RGSL1: variants seen among roughly 807,000 people sequenced by gnomAD.
RGSL1 encodes the protein regulator of G protein signaling like 1.
RGSL1 carries 97 observed loss-of-function variants against 124.7 expected under a neutral mutation model. That is an observed-to-expected ratio of 0.78 (90% CI 0.66 to 0.92). The LOEUF (loss-of-function observed/expected upper bound fraction) is 0.92, where lower values mean the gene tolerates loss of function less well. RGSL1 is among the 40% of genes least tolerant of loss of function. The pLI, the probability that RGSL1 is intolerant of heterozygous loss-of-function variation, is 0.00. For missense variants in RGSL1, 1,233 were observed against 1,288.4 expected, an observed-to-expected ratio of 0.96 and a Z score of 0.66; for synonymous variants, 424 against 438.1, an observed-to-expected ratio of 0.97 and a Z score of 0.40.
intron 4 of RGSL1, among the ~76,000 whole-genome samples, chr1:182,466,417 T>C (rs1653335682): frequency 6.6e-6 from 1 of 151,898 alleles, no homozygotes; most frequent in Admixed American, 6.6e-5. Flanking sequence ...TGTAGAAAAA[T>C]CCAAAGATTC....
At chr1:182,458,936 GT>G (rs879624941) in intron 3 of RGSL1, among the ~76,000 whole-genome samples, 25 of 152,286 alleles carry the variant, frequency 1.6e-4, no homozygotes, top group Middle Eastern at 6.8e-3. Context: ...GCAATTGCTG[GT>G]GAATTATTTC....
chr1:182,529,404 A>G (rs895793998), intron 11 of RGSL1, among the ~76,000 whole-genome samples: 2 of 152,200 alleles, frequency 1.3e-5, no homozygotes, highest in African/African-American at 2.4e-5. Context: ...TCCACCACCC[A>G]TGAATTGTGA....
At chr1:182,471,170 C>A (rs2102030086) in intron 4 of RGSL1, 2 of 418,690 alleles carry the variant, frequency 4.8e-6, no homozygotes, top group South Asian at 3.5e-5. Flanking sequence ...TAACTGGTCA[C>A]AATTTGTCCT....
chr1:182,485,160 C>A (rs1655005517), intron 6 of RGSL1, among the ~76,000 whole-genome samples: 1 of 152,074 alleles, frequency 6.6e-6, no homozygotes, highest in Admixed American at 6.5e-5. Flanking sequence ...ATGAGGGCTG[C>A]TGAGATCTTC....
chr1:182,490,710 G>A (rs923177730), intron 8 of RGSL1, among the ~76,000 whole-genome samples: 1 of 152,138 alleles, frequency 6.6e-6, no homozygotes, highest in Non-Finnish European at 1.5e-5. Context: ...TAGCCAGTAA[G>A]AATGTGAACC....
intron 4 of RGSL1, among the ~76,000 whole-genome samples, chr1:182,468,438 T>C (rs1022308511): frequency 2.6e-5 from 4 of 152,074 alleles, no homozygotes; most frequent in African/African-American, 9.7e-5. Flanking sequence ...TATGCAGCCA[T>C]AAAAAATGAT....
At chr1:182,489,272 C>T (rs1310934667) in intron 8 of RGSL1, 70 bp downstream of exon 8, 6 of 1,318,552 alleles carry the variant, frequency 4.6e-6, no homozygotes, top group Non-Finnish European at 6.3e-6. Context: ...TTAACATTTA[C>T]TAATTATTTA....
At position 182,535,508 on chromosome 1, in the gene RGSL1, G is replaced by A. The variant is rs138821510; in HGVS notation, c.2494+2717G>A. On this transcript the variant is annotated intron_variant, in intron 14 of 21. Transcript: ENST00000294854. ...GTAGGCTGCCTGTCCTTTTCTCCTA[G>A]GGAAGCATCCAGACCCTCATCTACT... Among the ~76,000 whole-genome samples, 1,104 of 152,208 alleles carry A rather than the reference G, an allele frequency of 7.3e-3. 15 individuals carry two copies. The highest frequency in any genetic ancestry group is 0.027 in the Middle Eastern group (8 of 294).
chr1:182,471,384 C>A (rs1452745350), intron 4 of RGSL1: 1 of 457,328 alleles, frequency 2.2e-6, no homozygotes, highest in Non-Finnish European at 4.4e-6. Flanking sequence ...ACAGGCAGTG[C>A]AGGTGGGTTC....
rs769388157 is a variant in RGSL1 at position 182,472,513 on chromosome 1, T to A, written c.419T>A (p.Leu140Gln). The A allele has an allele frequency of 1.9e-6, 3 of 1,549,612 alleles. No homozygotes were observed. The South Asian group carries it at 3.6e-5, about 19-fold the overall frequency. Reference protein sequence around the residue: ...SLLLMLRATHLQEGSRVVTLC... With the variant: ...SLLLMLRATHQQEGSRVVTLC... Reference sequence around the variant, plus strand: ...CTCCTCATGCTGAGGGCCACTCATCTGCAGGAGGGCTCCAGGGTGGTAACC... The same window carrying A: ...CTCCTCATGCTGAGGGCCACTCATCAGCAGGAGGGCTCCAGGGTGGTAACC... The change falls in exon 5 of 22, where the codon CTG becomes CAG. Residue 140 changes from leucine to glutamine, a missense_variant. Coordinates refer to ENST00000294854, the MANE Select transcript of RGSL1 (RefSeq NM_001137669.2).
At chr1:182,487,960 G>GA (rs1655218278) in intron 6 of RGSL1, among the ~76,000 whole-genome samples, 1 of 152,100 alleles carries the variant, frequency 6.6e-6, no homozygotes, top group South Asian at 2.1e-4. Context: ...GCCATTTTGA[G>GA]AAAAAATGAG....
intron 1 of RGSL1, chr1:182,450,673 T>C: frequency 5.5e-6 from 1 of 183,290 alleles, no homozygotes; most frequent in Non-Finnish European, 1.2e-5. Flanking sequence ...GTTTTGGCAA[T>C]GGCAAGCCCT....
Position 182,530,898 on chromosome 1 carries a change from AC to A in RGSL1, c.2353del (p.Gln785ArgfsTer9). On this transcript the variant is annotated frameshift_variant, in exon 13 of 22. Transcript: ENST00000294854. LOFTEE classifies it high-confidence loss of function. ...CCTCAAAGATAGTGTCAACTTACCT[AC>A]AGGAATCCCAGGTTAGTGAAGAAGA... Reference protein sequence around the residue: ...KPSKIVSTYLQESQKKGWMRM... With the variant: ...KPSKIVSTYLXESQKKGWMRM... The A allele has an allele frequency of 6.5e-7, 1 of 1,548,544 alleles. No homozygotes were observed. Among genetic ancestry groups the A allele is most frequent in the Non-Finnish European group, 8.7e-7 (1 of 1,145,570 alleles).
rs1365493672 is a variant in RGSL1 at position 182,460,229 on chromosome 1, T to C, written c.301+96T>C. On this transcript the variant is annotated intron_variant, in intron 4 of 21. Coordinates refer to ENST00000294854, the MANE Select transcript of RGSL1 (RefSeq NM_001137669.2). ...ACTTCATAATAATCTTATGCCTGTATGTGTGTGTGTGTGTGTGTAGAAATA... is the reference window on the plus strand; with the variant it reads ...ACTTCATAATAATCTTATGCCTGTACGTGTGTGTGTGTGTGTGTAGAAATA... 3 of 966,682 alleles carry C rather than the reference T, an allele frequency of 3.1e-6. No homozygotes were observed. In the African/African-American group the frequency reaches 6.1e-5, roughly 20 times the overall value. The allele number at this position is 966,682 out of a possible 1,614,324, so 59.9% of individuals were successfully genotyped here.
chr1:182,524,298 AG>A (rs1658578984), intron 10 of RGSL1, among the ~76,000 whole-genome samples: 4 of 147,086 alleles, frequency 2.7e-5, no homozygotes, highest in African/African-American at 1.0e-4. Context: ...AGAGTATATA[AG>A]GAGTCAGACA....
chr1:182,509,563 G>C (rs75737199), intron 9 of RGSL1, among the ~76,000 whole-genome samples: 1 of 121,712 alleles, frequency 8.2e-6, no homozygotes, highest in Admixed American at 7.4e-5. Context: ...TCTCCCTCCC[G>C]GACGGGGTGG....
At chr1:182,557,912 T>C (rs1204811578) in intron 21 of RGSL1, among the ~76,000 whole-genome samples, 2 of 152,090 alleles carry the variant, frequency 1.3e-5, no homozygotes, top group Admixed American at 1.3e-4. Context: ...GCAGGGTGTA[T>C]AAATGAGTAA....
chr1:182,487,512 C>T (rs1335780077), intron 6 of RGSL1, among the ~76,000 whole-genome samples: 1 of 152,204 alleles, frequency 6.6e-6, no homozygotes, highest in East Asian at 1.9e-4. Context: ...GATCTTTACT[C>T]AACTTCCCTG....
chr1:182,458,724 C>T (rs541593534), intron 3 of RGSL1, among the ~76,000 whole-genome samples: 11 of 152,130 alleles, frequency 7.2e-5, no homozygotes, highest in African/African-American at 2.4e-4. Context: ...TCACCCGCCT[C>T]GGCCTCCCAA....
Sources: allele counts gnomAD v4.1 joint callset (sites outside exome capture counted in the v4.1 genomes callset), GRCh38; gene constraint gnomAD v4.1.1; transcripts MANE v1.5; gene names NCBI Gene and HGNC (gene_info 2026-07-23, HGNC 2026-07-21).